TRIM69: variants seen among roughly 807,000 people sequenced by gnomAD.
TRIM69 encodes E3 ubiquitin-protein ligase TRIM69.
In TRIM69, 29 loss-of-function variants were observed where a neutral mutation model predicts 37.7. The ratio of observed to expected loss-of-function variants is 0.77; its 90% CI spans 0.57 to 1.05. The LOEUF (loss-of-function observed/expected upper bound fraction) is 1.05, where lower values mean the gene tolerates loss of function less well. TRIM69 is among the 50% of genes least tolerant of loss of function. The pLI is 0.00. For missense variants in TRIM69, 596 were observed against 579.9 expected (o/e 1.03, Z -0.28); for synonymous variants, 209 against 212.4 (o/e 0.98, Z 0.14).
At chr15:44,766,250 TAA>T in intron 6 of TRIM69, among the ~76,000 whole-genome samples, 1 of 152,380 alleles carries the variant, frequency 6.6e-6, no homozygotes, top group Admixed American at 6.5e-5. Flanking sequence ...TGAAAGTTTT[TAA>T]AAGTTTACTG....
At chr15:44,743,709 C>G (rs552717580) in intron 1 of TRIM69, among the ~76,000 whole-genome samples, 1 of 152,340 alleles carries the variant, frequency 6.6e-6, no homozygotes, top group African/African-American at 2.4e-5. Context: ...TGAAAAAATT[C>G]TCACCATCAC....
chr15:44,767,187 C>T, intron 6 of TRIM69, 44 bp from the exon 7 acceptor site: 3 of 1,515,670 alleles, frequency 2.0e-6, no homozygotes, highest in African/African-American at 2.8e-5. Flanking sequence ...TTTGTGTTTA[C>T]CCCCCTTTCT....
intron 2 of TRIM69, among the ~76,000 whole-genome samples, chr15:44,755,602 C>A (rs2087630350): frequency 6.6e-6 from 1 of 152,134 alleles, no homozygotes; most frequent in Non-Finnish European, 1.5e-5. Context: ...AAATCTGTAC[C>A]TAAACTCTGC....
chr15:44,763,320 GTTA>G (rs2087817194), intron 6 of TRIM69, among the ~76,000 whole-genome samples: 1 of 152,164 alleles, frequency 6.6e-6, no homozygotes, highest in African/African-American at 2.4e-5. Context: ...TAAAATTTGG[GTTA>G]TTAATTGGGA....
At chr15:44,745,495 A>G (rs1448652085) in intron 1 of TRIM69, among the ~76,000 whole-genome samples, 3 of 152,220 alleles carry the variant, frequency 2.0e-5, no homozygotes, top group Non-Finnish European at 2.9e-5. Context: ...TTCAACAAGT[A>G]TAAATAAATA....
At chr15:44,764,037 T>A (rs886646606) in intron 6 of TRIM69, among the ~76,000 whole-genome samples, 1 of 152,366 alleles carries the variant, frequency 6.6e-6, no homozygotes, top group Admixed American at 6.5e-5. Flanking sequence ...TTTCACTGCA[T>A]GCATGTGCAG....
chr15:44,750,986 C>T (rs2141322254), intron 1 of TRIM69, among the ~76,000 whole-genome samples: 1 of 121,532 alleles, frequency 8.2e-6, no homozygotes, highest in East Asian at 2.7e-4. Flanking sequence ...GACATGGCCT[C>T]ACTCTGCTGC....
In TRIM69 at chr15:44,767,792, A is replaced by G. The variant is rs1566903681; in HGVS notation, c.*20A>G. On this transcript the variant is annotated 3_prime_UTR_variant, in exon 7 of 7. Transcript: ENST00000329464. ...CAGTAATGAGTCATAATATTATACA[A>G]ATTCAGAGTGTTATTAAAGAGGTAT... is the stretch of plus-strand genomic sequence containing the variant. 8 of 1,577,924 alleles carry G rather than the reference A, an allele frequency of 5.1e-6. No homozygotes were observed. The South Asian group carries it at 9.2e-5, about 18-fold the overall frequency.
chr15:44,743,871 G>T (rs1452729231), intron 1 of TRIM69, among the ~76,000 whole-genome samples: 2 of 152,160 alleles, frequency 1.3e-5, no homozygotes. Flanking sequence ...CTGTAAACTA[G>T]TTCAACCATT....
Position 44,767,322 on chromosome 15 carries a change from G to A in TRIM69, c.1053G>A (p.Lys351=), listed in dbSNP as rs71478342. The stretch of plus-strand genomic sequence containing the variant: ...CCAGCGTCTGGCATGGTGACATTAA[G>A]AAGATAATGCCTGATGATCCTGAGA... ...SQTSVWHGDI[K]KIMPDDPERF... Residue 351 remains lysine (K), a synonymous_variant, in exon 7 of 7, where the codon AAG becomes AAA. Transcript: ENST00000329464. The A allele has an allele frequency of 6.2e-7, 1 of 1,614,128 alleles. No homozygotes were observed. Among genetic ancestry groups the A allele is most frequent in the South Asian group, 1.1e-5 (1 of 91,078 alleles).
intron 6 of TRIM69, among the ~76,000 whole-genome samples, chr15:44,761,752 G>A (rs1026961920): frequency 9.9e-5 from 15 of 152,138 alleles, no homozygotes; most frequent in African/African-American, 3.4e-4. Flanking sequence ...GGCATGAGCC[G>A]TGGTGCCCGG....
At chr15:44,743,837 A>G (rs2087345405) in intron 1 of TRIM69, among the ~76,000 whole-genome samples, 1 of 152,216 alleles carries the variant, frequency 6.6e-6, no homozygotes, top group African/African-American at 2.4e-5. Flanking sequence ...GATAAATAGG[A>G]ACACTTTTAC....
intron 1 of TRIM69, among the ~76,000 whole-genome samples, chr15:44,741,880 C>G (rs191315056): frequency 0.015 from 2,334 of 152,236 alleles, 57 homozygotes; most frequent in African/African-American, 0.052. Flanking sequence ...CCGAATTCTA[C>G]CAGAGGTACA....
chr15:44,760,635 G>A (rs187180175), intron 6 of TRIM69, among the ~76,000 whole-genome samples: 118 of 152,188 alleles, frequency 7.8e-4, no homozygotes, highest in African/African-American at 2.8e-3. Flanking sequence ...CTGAGATATA[G>A]TTAACATAGA....
intron 1 of TRIM69, among the ~76,000 whole-genome samples, chr15:44,750,427 T>C (rs1310890800): frequency 1.3e-5 from 2 of 152,180 alleles, no homozygotes; most frequent in East Asian, 3.8e-4. Flanking sequence ...TCTTTACTTT[T>C]GTAGGTCTGT....
chr15:44,756,645 T>C (rs2087655373), intron 3 of TRIM69, 182 bp downstream of exon 3: 1 of 509,590 alleles, frequency 2.0e-6, no homozygotes, highest in Admixed American at 3.1e-5. Flanking sequence ...AGGTTCCTAA[T>C]AGCTGATCAA....
rs764516223 is a variant in TRIM69 at position 44,759,797 on chromosome 15, A to C, written c.886A>C (p.Lys296Gln). 1.9e-6 allele frequency: 3 copies of C among 1,614,092 alleles called. No individual in the cohort carries two copies. The highest frequency in any genetic ancestry group is 1.7e-5 in the Admixed American group (1 of 60,012). Reference sequence around the variant, plus strand: ...GGCAACCAGAGAGCTTATTTCCAGAAAGCTGAACCTGGGCCAGTACAAAGG... The same window carrying C: ...GGCAACCAGAGAGCTTATTTCCAGACAGCTGAACCTGGGCCAGTACAAAGG... ...VLATRELISR[K>Q]LNLGQYKGPI... Residue 296 changes from lysine (K) to glutamine (Q), a missense_variant, in exon 6 of 7, where the codon AAG (lysine) becomes CAG (glutamine). Lys to Gln is a moderately conservative substitution (Grantham distance 53, BLOSUM62 1). Transcript: ENST00000329464.
chr15:44,762,557 C>G (rs973418612), intron 6 of TRIM69, among the ~76,000 whole-genome samples: 2 of 151,942 alleles, frequency 1.3e-5, no homozygotes, highest in Non-Finnish European at 2.9e-5. Context: ...ACTTTTTTAG[C>G]CTTTTTTCAC....
chr15:44,745,836 A>C (rs943847106), intron 1 of TRIM69, among the ~76,000 whole-genome samples: 3 of 152,164 alleles, frequency 2.0e-5, no homozygotes, highest in African/African-American at 7.2e-5. Context: ...AAAATAGGTC[A>C]ATTGAGATTA....
Sources: allele counts gnomAD v4.1 joint callset (sites outside exome capture counted in the v4.1 genomes callset), GRCh38; gene constraint gnomAD v4.1.1; transcripts MANE v1.5; gene names NCBI Gene and HGNC (gene_info 2026-07-23, HGNC 2026-07-21).